TSPAN7: variants seen among roughly 807,000 people sequenced by gnomAD.
The protein encoded by TSPAN7 is tetraspanin 7.
In TSPAN7, 1 loss-of-function variant was observed where a neutral mutation model predicts 17.6. That is an observed-to-expected ratio of 0.06 (90% CI 0.02 to 0.27). The LOEUF is 0.27. TSPAN7 is among the 10% of genes least tolerant of loss of function. The probability of loss-of-function intolerance (pLI) is 1.00; values close to 1 mark genes in which losing one functional copy is unlikely to be tolerated. For missense variants in TSPAN7, 112 were observed against 201.7 expected, an observed-to-expected ratio of 0.56 and a Z score of 2.69; for synonymous variants, 78 against 79.0, an observed-to-expected ratio of 0.99 and a Z score of 0.07.
At chrX:38,638,142 C>G (rs922770799) in intron 1 of TSPAN7, among the ~76,000 whole-genome samples, 1 of 112,130 alleles carries the variant, frequency 8.9e-6, no homozygotes, top group East Asian at 2.8e-4. Flanking sequence ...TACAACTGCA[C>G]GTTAGGGAGC....
At chrX:38,572,798 A>G (rs2069175907) in intron 1 of TSPAN7, among the ~76,000 whole-genome samples, 1 of 112,092 alleles carries the variant, frequency 8.9e-6, no homozygotes, top group Non-Finnish European at 1.9e-5. Flanking sequence ...TATTTGAGTT[A>G]AAGTTCTGTT....
At chrX:38,663,483 C>A (rs993135750) in intron 1 of TSPAN7, among the ~76,000 whole-genome samples, 1 of 111,970 alleles carries the variant, frequency 8.9e-6, no homozygotes, top group Non-Finnish European at 1.9e-5. Flanking sequence ...GCACCAAAAT[C>A]TCAGAAATCA....
chrX:38,675,794 C>G lies in TSPAN7; in HGVS notation c.531C>G (p.Asn177Lys). Residue 177 changes from asparagine to lysine, a missense_variant, in exon 5 of 8, where the codon AAC becomes AAG. Transcript: ENST00000378482. ...EHGIPPSCCM[N>K]ETDCNPQDLH... ...GCATCCCCCCCAGCTGCTGCATGAA[C>G]GAAACTGATTGTAATCCCCAGGATC... The G allele has an allele frequency of 8.4e-7, 1 of 1,192,901 alleles. No homozygotes were observed. The highest frequency in any genetic ancestry group is 1.1e-6 in the Non-Finnish European group (1 of 886,866).
chrX:38,643,667 T>C, intron 1 of TSPAN7, among the ~76,000 whole-genome samples: 1 of 74,746 alleles, frequency 1.3e-5, no homozygotes, highest in African/African-American at 5.5e-5. Flanking sequence ...AAACCCCGTC[T>C]CTACCAAAAA....
At chrX:38,585,685 A>T in intron 1 of TSPAN7, among the ~76,000 whole-genome samples, 1 of 111,833 alleles carries the variant, frequency 8.9e-6, no homozygotes, top group Non-Finnish European at 1.9e-5. Context: ...GGTGGGATGT[A>T]GTGGGAGGTG....
chrX:38,666,896 G>A (rs930148871), intron 2 of TSPAN7, among the ~76,000 whole-genome samples: 9 of 111,960 alleles, frequency 8.0e-5, no homozygotes, highest in Admixed American at 3.8e-4. Context: ...CATCGTGCCC[G>A]GCCTCGCCCT....
intron 6 of TSPAN7, among the ~76,000 whole-genome samples, chrX:38,687,272 T>C (rs187827347): frequency 4.3e-4 from 48 of 111,779 alleles, no homozygotes; most frequent in African/African-American, 1.5e-3. Flanking sequence ...CAAATTTTAA[T>C]ACTCCTTAAG....
intron 1 of TSPAN7, among the ~76,000 whole-genome samples, chrX:38,628,790 G>C (rs1378841601): frequency 2.7e-5 from 3 of 111,551 alleles, no homozygotes; most frequent in African/African-American, 9.8e-5. Flanking sequence ...TGGGGGATTT[G>C]ATGACATCAT....
At chrX:38,658,634 T>C (rs1043679831) in intron 1 of TSPAN7, among the ~76,000 whole-genome samples, 3 of 111,607 alleles carry the variant, frequency 2.7e-5, no homozygotes, top group African/African-American at 9.8e-5. Context: ...CTAGTGACAG[T>C]CTTCCTCAAG....
At chrX:38,649,423 C>T (rs1316231654) in intron 1 of TSPAN7, among the ~76,000 whole-genome samples, 1 of 112,386 alleles carries the variant, frequency 8.9e-6, no homozygotes, top group Non-Finnish European at 1.9e-5. Context: ...TGGCAACAAG[C>T]CAATTCCTTC....
At chrX:38,585,239 A>G (rs2069251716) in intron 1 of TSPAN7, among the ~76,000 whole-genome samples, 1 of 111,814 alleles carries the variant, frequency 8.9e-6, no homozygotes, top group Non-Finnish European at 1.9e-5. Context: ...GGTTTTTTAA[A>G]TGGTTGTATA....
chrX:38,582,139 A>T (rs2069230814), intron 1 of TSPAN7, among the ~76,000 whole-genome samples: 1 of 112,443 alleles, frequency 8.9e-6, no homozygotes, highest in African/African-American at 3.2e-5. Context: ...TCCTGCCTGT[A>T]TCAGGATAAT....
intron 6 of TSPAN7, among the ~76,000 whole-genome samples, chrX:38,684,896 G>C (rs1429361526): frequency 9.0e-6 from 1 of 111,646 alleles, no homozygotes; most frequent in Non-Finnish European, 1.9e-5. Context: ...TTTAAGGCCA[G>C]AGATCACCCT....
chrX:38,574,730 G>A (rs1430487854), intron 1 of TSPAN7, among the ~76,000 whole-genome samples: 5 of 111,056 alleles, frequency 4.5e-5, no homozygotes, highest in African/African-American at 6.5e-5. Context: ...TATTGTTTAC[G>A]TAGAAGAAAA....
chrX:38,646,409 G>A (rs745896829), intron 1 of TSPAN7: 23 of 812,669 alleles, frequency 2.8e-5, no homozygotes, highest in Non-Finnish European at 3.7e-5. Flanking sequence ...TCTCCCTGAA[G>A]TGGCAGTGGA....
chrX:38,630,178 A>G, intron 1 of TSPAN7, among the ~76,000 whole-genome samples: 1 of 112,264 alleles, frequency 8.9e-6, no homozygotes. Context: ...TTAGAAAATG[A>G]TTGTGTCCTT....
At chrX:38,571,234 G>A (rs2069168070) in intron 1 of TSPAN7, among the ~76,000 whole-genome samples, 1 of 110,967 alleles carries the variant, frequency 9.0e-6, no homozygotes, top group Non-Finnish European at 1.9e-5. Context: ...ACAGGTACTG[G>A]TGAACAGACA....
intron 1 of TSPAN7, among the ~76,000 whole-genome samples, chrX:38,586,963 C>G (rs188642776): frequency 9.0e-4 from 102 of 112,784 alleles, no homozygotes; most frequent in African/African-American, 3.0e-3. Context: ...CCTTAGCTGA[C>G]TTTACATAAT....
chrX:38,622,526 T>G (rs890251883), intron 1 of TSPAN7, among the ~76,000 whole-genome samples: 24 of 111,553 alleles, frequency 2.2e-4, no homozygotes, highest in African/African-American at 7.2e-4. Context: ...GTGATTGCAC[T>G]CAAGGCTGGG....
Sources: gnomAD v4.1 joint callset for allele counts (sites outside exome capture counted in the v4.1 genomes callset) on GRCh38, gnomAD v4.1.1 for gene constraint, MANE v1.5 for transcripts, NCBI Gene and HGNC (gene_info 2026-07-23, HGNC 2026-07-21) for gene names.